The following HTR2B variants were observed in gnomAD, a reference collection of about 807,000 sequenced individuals.
HTR2B encodes 5-HT 2B receptor.
Under a neutral mutation model 39.8 loss-of-function variants are expected in HTR2B, and 31 were observed. The ratio of observed to expected loss-of-function variants is 0.78; its 90% CI spans 0.58 to 1.05. HTR2B has a LOEUF of 1.05. HTR2B is among the 50% of genes least tolerant of loss of function. HTR2B has a pLI of 0.00. For missense variants in HTR2B, 562 were observed against 578.0 expected, an observed-to-expected ratio of 0.97 and a Z score of 0.28; for synonymous variants, 210 against 207.1, an observed-to-expected ratio of 1.01 and a Z score of -0.12.
chr2:231,121,231 A>G (rs1001951254), intron 2 of HTR2B, among the ~76,000 whole-genome samples: 3 of 152,212 alleles, frequency 2.0e-5, no homozygotes, highest in African/African-American at 7.2e-5. Context: ...TTGTAATTAG[A>G]AATTAACAAA....
chr2:231,113,593 G>A (rs1008035764), intron 3 of HTR2B, 136 bp downstream of exon 3: 23 of 795,156 alleles, frequency 2.9e-5, no homozygotes, highest in Non-Finnish European at 5.2e-5. Flanking sequence ...GTGACATAAG[G>A]AGCTTATGTT....
At chr2:231,119,744 G>A (rs919501155) in intron 2 of HTR2B, among the ~76,000 whole-genome samples, 7 of 151,728 alleles carry the variant, frequency 4.6e-5, no homozygotes, top group East Asian at 2.0e-4. Context: ...GGTGGCCTGC[G>A]CCTGTAGTCC....
chr2:231,114,387 T>C (rs906095986), intron 2 of HTR2B, among the ~76,000 whole-genome samples: 6 of 152,326 alleles, frequency 3.9e-5, no homozygotes, highest in African/African-American at 1.4e-4. Context: ...CTGTGACACC[T>C]GGGTTTTGGG....
At chr2:231,124,540 G>A (rs1695669948) in intron 1 of HTR2B, among the ~76,000 whole-genome samples, 1 of 151,866 alleles carries the variant, frequency 6.6e-6, no homozygotes, top group South Asian at 2.1e-4. Flanking sequence ...AGGTTTGTGA[G>A]TACTGATATA....
intron 2 of HTR2B, among the ~76,000 whole-genome samples, chr2:231,117,911 A>AT (rs1336517852): frequency 6.6e-6 from 1 of 152,192 alleles, no homozygotes; most frequent in Admixed American, 6.5e-5. Context: ...ACATGGGGTT[A>AT]TTTAAGGTAT....
At chr2:231,123,372 A>T in intron 2 of HTR2B, 41 bp downstream of exon 2, 1 of 1,348,922 alleles carries the variant, frequency 7.4e-7, no homozygotes, top group Non-Finnish European at 1.1e-6. Flanking sequence ...AGTATATCAT[A>T]GTTCTGTGGT....
rs1324889363 is a variant in HTR2B at position 231,110,264 on chromosome 2, G to T, written c.554-855C>A. ...GAACCCAGGAGGCCGAGGTTGCAGT[G>T]AGCCGAGATCACACCACTGCCCTCC... is the stretch of plus-strand genomic sequence containing the variant. On this transcript the variant is annotated intron_variant, in intron 3 of 3. Transcript: ENST00000258400. 4.0e-5 allele frequency among the ~76,000 whole-genome samples: 6 copies of T among 150,238 alleles called. No homozygotes were observed. In the South Asian group the frequency reaches 8.4e-4, roughly 21 times the overall value.
In HTR2B at chr2:231,109,017, T is replaced by C; in HGVS notation, c.946A>G (p.Ile316Val). 1 of 1,614,206 alleles carries C rather than the reference T, an allele frequency of 6.2e-7. No individual in the cohort carries two copies. Among genetic ancestry groups the C allele is most frequent in the Non-Finnish European group, 8.5e-7 (1 of 1,180,028 alleles). The change falls in exon 4 of 4, where the codon ATT becomes GTT. Residue 316 changes from isoleucine (I) to valine (V), a missense_variant. Ile to Val is a conservative substitution (Grantham distance 29). Coordinates refer to ENST00000258400, the MANE Select transcript of HTR2B (RefSeq NM_000867.5). ...TTTGAGGCTCTCTGTTCGTTGGAAA[T>C]GGTCTGCACTGACTTTTTCCCAATT... ...STIGKKSVQT[I>V]SNEQRASKVL... is the part of the protein sequence containing the mutation.
Position 231,113,861 on chromosome 2 carries a change from C to A in HTR2B, c.421G>T (p.Ala141Ser), listed in dbSNP as rs145931518. 1 of 1,613,826 alleles carries A rather than the reference C, an allele frequency of 6.2e-7. No individual in the cohort carries two copies. The highest frequency in any genetic ancestry group is 1.3e-5 in the African/African-American group (1 of 74,872). Residue 141 changes from alanine (A) to serine (S), a missense_variant, in exon 3 of 4, where the codon GCA (alanine) becomes TCA (serine). Transcript: ENST00000258400. ...ATGGCACAGAGATGCATGATGGATG[C>A]GGTTGAAAAGAGAACGTCAAGAAAT... is the stretch of plus-strand genomic sequence containing the variant. ...WLFLDVLFST[A>S]SIMHLCAISV...
At position 231,109,165 on chromosome 2, in the gene HTR2B, T is replaced by C. The variant is rs1333328081; in HGVS notation, c.798A>G (p.Thr266=). ...PQRLTWLTVS[T]VFQRDETPCS... ...AAGGTGTTTCATCCCTTTGGAAAACTGTAGACACAGTCAACCATGTTAGGC... is the reference window on the plus strand; with the variant it reads ...AAGGTGTTTCATCCCTTTGGAAAACCGTAGACACAGTCAACCATGTTAGGC... The change falls in exon 4 of 4, where the codon ACA becomes ACG. Residue 266 remains threonine (T), a synonymous_variant. Coordinates refer to ENST00000258400, the MANE Select transcript of HTR2B (RefSeq NM_000867.5). The C allele has an allele frequency of 6.2e-7, 1 of 1,614,214 alleles. No homozygotes were observed. The highest frequency in any genetic ancestry group is 1.1e-5 in the South Asian group (1 of 91,086).
intron 2 of HTR2B, 85 bp from the exon 3 acceptor site, chr2:231,114,014 G>C: frequency 9.4e-7 from 1 of 1,066,366 alleles, no homozygotes; most frequent in Non-Finnish European, 1.4e-6. Context: ...TACATCTTTT[G>C]TCTTTTTTGT....
chr2:231,118,295 C>G lies in HTR2B; in HGVS notation c.353-4366G>C, dbSNP rs78520125. Among the ~76,000 whole-genome samples the G allele has an allele frequency of 4.5e-3, 692 of 152,212 alleles. 6 individuals carry two copies. Among genetic ancestry groups the G allele is most frequent in the African/African-American group, 0.016 (671 of 41,520 alleles). ...CAACTAACTCAACCATGAAAACACTCCTACATAGAAACAAGCCAAATCATC... is the reference window on the plus strand; with the variant it reads ...CAACTAACTCAACCATGAAAACACTGCTACATAGAAACAAGCCAAATCATC... On this transcript the variant is annotated intron_variant, in intron 2 of 3. Coordinates refer to ENST00000258400, the MANE Select transcript of HTR2B (RefSeq NM_000867.5).
chr2:231,109,352 T>G lies in HTR2B; in HGVS notation c.611A>C (p.Asn204Thr). ...GIETDVDNPN[N>T]ITCVLTKERF... ...TTCCTTTGTCAGCACACAAGTGATATTGTTTGGGTTGTCCACATCAGTCTC... is the reference window on the plus strand; with the variant it reads ...TTCCTTTGTCAGCACACAAGTGATAGTGTTTGGGTTGTCCACATCAGTCTC... The change falls in exon 4 of 4, where the codon AAT becomes ACT. Residue 204 changes from asparagine to threonine, a missense_variant. By Grantham distance (65) the Asn-to-Thr change is moderately conservative. Transcript: ENST00000258400. 1 of 1,614,102 alleles carries G rather than the reference T, an allele frequency of 6.2e-7. No individual in the cohort carries two copies. Among genetic ancestry groups the G allele is most frequent in the Non-Finnish European group, 8.5e-7 (1 of 1,179,982 alleles).
intron 2 of HTR2B, among the ~76,000 whole-genome samples, chr2:231,115,491 A>G (rs777848189): frequency 3.3e-5 from 5 of 152,152 alleles, no homozygotes; most frequent in Admixed American, 6.6e-5. Flanking sequence ...ACTTAGTTCT[A>G]TGTTCAGCAG....
chr2:231,108,743 G>A lies in HTR2B; in HGVS notation c.1220C>T (p.Thr407Ile). Reference sequence around the variant, plus strand: ...GATCTTACTGGAGCGTTTTCTGAGAGTTTTTACTGACTTTGTGGCCCGGTA... The same window carrying A: ...GATCTTACTGGAGCGTTTTCTGAGAATTTTTACTGACTTTGTGGCCCGGTA... ...CNYRATKSVK[T>I]LRKRSSKIYF... The change falls in exon 4 of 4, where the codon ACT becomes ATT. Residue 407 changes from threonine (T) to isoleucine (I), a missense_variant. Coordinates refer to ENST00000258400, the MANE Select transcript of HTR2B (RefSeq NM_000867.5). 1 of 1,614,102 alleles carries A rather than the reference G, an allele frequency of 6.2e-7. No individual in the cohort carries two copies. Among genetic ancestry groups the A allele is most frequent in the Non-Finnish European group, 8.5e-7 (1 of 1,179,996 alleles).
chr2:231,112,293 T>TCCCTTTC (rs1695180164), intron 3 of HTR2B, among the ~76,000 whole-genome samples: 1 of 152,184 alleles, frequency 6.6e-6, no homozygotes. Context: ...TGTCTCCCAT[T>TCCCTTTC]CCCTTTCTGT....
rs777284253 is a variant in HTR2B at position 231,108,523 on chromosome 2, A to G, written c.1440T>C (p.Tyr480=). The G allele has an allele frequency of 3.1e-6, 5 of 1,612,948 alleles. No homozygotes were observed. The highest frequency in any genetic ancestry group is 2.7e-5 in the African/African-American group (2 of 74,916). The change falls in exon 4 of 4, where the codon TAT becomes TAC. Residue 480 remains tyrosine (Y), a synonymous_variant. Transcript: ENST00000258400. ...ATGACAACTGCCAGTTCTGCTATACATAACTAACTTGCTCTTCAGTTTTGT... is the reference window on the plus strand; with the variant it reads ...ATGACAACTGCCAGTTCTGCTATACGTAACTAACTTGCTCTTCAGTTTTGT... ...EGDKTEEQVS[Y]V is the part of the protein sequence containing the mutation.
intron 2 of HTR2B, among the ~76,000 whole-genome samples, chr2:231,118,310 GC>G (rs777885855): frequency 5.1e-4 from 78 of 152,170 alleles, no homozygotes; most frequent in Non-Finnish European, 8.7e-4. Context: ...ATAGAAACAA[GC>G]CAAATCATCA....
chr2:231,123,913 G>GCAC lies in HTR2B; in HGVS notation c.-150_-149insGTG. ...CCTTCCTTTAAAAAAAAAAATTCAA[G>GCAC]TTCTCTAAAATGAGCGCATACACAC... is the stretch of plus-strand genomic sequence containing the variant. On this transcript the variant is annotated 5_prime_UTR_variant, in exon 2 of 4. Transcript: ENST00000258400. The GCAC allele has an allele frequency of 1.4e-6, 1 of 696,386 alleles. No individual in the cohort carries two copies. The highest frequency in any genetic ancestry group is 2.6e-6 in the Non-Finnish European group (1 of 384,680). The allele number at this position is 696,386 out of a possible 1,614,324, so 43.1% of individuals were successfully genotyped here. A position where few individuals can be genotyped will look rare whatever the true frequency, so the allele number is the denominator to read the frequency against.
Sources: allele counts gnomAD v4.1 joint callset (sites outside exome capture counted in the v4.1 genomes callset), GRCh38; gene constraint gnomAD v4.1.1; transcripts MANE v1.5; gene names NCBI Gene and HGNC (gene_info 2026-07-23, HGNC 2026-07-21).